The following PATJ variants were observed in gnomAD, a reference collection of about 807,000 sequenced individuals.
The protein encoded by PATJ is PATJ crumbs cell polarity complex component, also known as inaD-like protein.
A neutral mutation model predicts 224.9 loss-of-function variants in PATJ; 190 were observed. The ratio of observed to expected loss-of-function variants is 0.84; its 90% CI spans 0.75 to 0.95. The LOEUF is 0.95. Ranked by LOEUF, PATJ falls within the 40% of genes least tolerant of loss-of-function variation. The pLI, the probability that PATJ is intolerant of heterozygous loss-of-function variation, is 0.00. For synonymous variants in PATJ, 769 were observed against 820.3 expected (o/e 0.94, Z 1.07); for missense variants, 2,121 against 2,270.3 (o/e 0.93, Z 1.34).
intron 28 of PATJ, among the ~76,000 whole-genome samples, chr1:62,011,413 CGGA>C (rs1646441408): frequency 2.0e-5 from 3 of 151,914 alleles, no homozygotes; most frequent in Non-Finnish European, 2.9e-5. Context: ...CGGAAGGCCT[CGGA>C]GGAGAGAAAA....
In PATJ at chr1:61,908,629, AGGTTCCCTTTTTTCCCCTCC is replaced by A. The variant is rs1571232754; in HGVS notation, c.3492+148_3492+167del. On this transcript the variant is annotated intron_variant, in intron 25 of 43. Transcript: ENST00000642238. ...TGAGCTTCATAAAAATTTAGTCATA[AGGTTCCCTTTTTTCCCCTCC>A]AGTTTTGATCTTCTGGTCAAATTGG... 7 of 602,646 alleles carry A rather than the reference AGGTTCCCTTTTTTCCCCTCC, an allele frequency of 1.2e-5. No homozygotes were observed. The East Asian group carries it at 2.0e-4, about 17-fold the overall frequency. 37.3% of individuals were successfully genotyped at this position (602,646 alleles called of 1,614,324 possible).
rs1352431668 is a variant in PATJ at position 61,799,588 on chromosome 1, G to A, written c.1403-2035G>A. On this transcript the variant is annotated intron_variant, in intron 11 of 43. Coordinates refer to ENST00000642238, the MANE Select transcript of PATJ (RefSeq NM_001350145.3). ...ATTTTTATAGATTCAGGGGATAAAT[G>A]TGCATGTTTGTTACATGGATATATA... Among the ~76,000 whole-genome samples, 4 of 152,088 alleles carry A rather than the reference G, an allele frequency of 2.6e-5. No homozygotes were observed. In the South Asian group the frequency reaches 6.2e-4, roughly 24 times the overall value.
chr1:61,975,177 G>A (rs961686093), intron 27 of PATJ, among the ~76,000 whole-genome samples: 1 of 151,890 alleles, frequency 6.6e-6, no homozygotes, highest in African/African-American at 2.4e-5. Flanking sequence ...GATCTCCTGG[G>A]CTCAAGCATT....
chr1:62,005,477 A>C (rs1302487678), intron 28 of PATJ, among the ~76,000 whole-genome samples: 1 of 151,840 alleles, frequency 6.6e-6, no homozygotes, highest in Non-Finnish European at 1.5e-5. Context: ...AAAGAAAAAA[A>C]GTTGGGCCAG....
At chr1:61,870,770 A>G (rs966627467) in intron 20 of PATJ, among the ~76,000 whole-genome samples, 1 of 152,128 alleles carries the variant, frequency 6.6e-6, no homozygotes, top group African/African-American at 2.4e-5. Flanking sequence ...ATCATATGCT[A>G]ATTCTATATT....
At chr1:62,022,933 G>A (rs1196258529) in intron 29 of PATJ, among the ~76,000 whole-genome samples, 1 of 152,170 alleles carries the variant, frequency 6.6e-6, no homozygotes, top group African/African-American at 2.4e-5. Flanking sequence ...TTGAATTAAT[G>A]TGAATGCCAG....
chr1:61,801,042 A>T (rs1652382189), intron 11 of PATJ, among the ~76,000 whole-genome samples: 6 of 152,164 alleles, frequency 3.9e-5, no homozygotes, highest in Admixed American at 3.9e-4. Flanking sequence ...ATAAACATAC[A>T]TGTGCATGTG....
chr1:61,940,470 A>C (rs950992701), intron 27 of PATJ, among the ~76,000 whole-genome samples: 1 of 152,186 alleles, frequency 6.6e-6, no homozygotes, highest in Admixed American at 6.6e-5. Flanking sequence ...TAATCCCAGC[A>C]CTTTGGGAGG....
intron 27 of PATJ, among the ~76,000 whole-genome samples, chr1:61,982,916 A>G (rs1477494910): frequency 2.0e-5 from 3 of 151,954 alleles, no homozygotes; most frequent in African/African-American, 7.3e-5. Flanking sequence ...TACTGGCAAA[A>G]ATCACAATTA....
At chr1:62,108,587 G>A (rs1663407692) in intron 34 of PATJ, 67 bp downstream of exon 34, 1 of 911,326 alleles carries the variant, frequency 1.1e-6, no homozygotes, top group Admixed American at 2.3e-5. Context: ...GATCCATAAA[G>A]TTGTCTTTCT....
chr1:61,875,471 A>C, intron 21 of PATJ, 105 bp downstream of exon 21: 3 of 894,104 alleles, frequency 3.4e-6, no homozygotes, highest in Non-Finnish European at 5.1e-6. Context: ...ATTCATTATG[A>C]TGCTTTGAAT....
intron 1 of PATJ, among the ~76,000 whole-genome samples, chr1:61,750,825 C>G (rs1285695171): frequency 6.6e-6 from 1 of 151,996 alleles, no homozygotes; most frequent in Non-Finnish European, 1.5e-5. Context: ...GGTTGTAAAT[C>G]TTCCCACCAT....
intron 37 of PATJ, chr1:62,120,960 C>A: frequency 4.5e-6 from 2 of 449,336 alleles, no homozygotes; most frequent in Middle Eastern, 5.8e-4. Flanking sequence ...TATACAAAAG[C>A]ACACATAATG....
intron 34 of PATJ, among the ~76,000 whole-genome samples, chr1:62,110,488 A>G (rs769824258): frequency 6.6e-6 from 1 of 152,156 alleles, no homozygotes; most frequent in Non-Finnish European, 1.5e-5. Context: ...TGGTTTTAAT[A>G]CTATCCTCAT....
At chr1:62,158,549 G>A (rs769029732) in intron 43 of PATJ, among the ~76,000 whole-genome samples, 4 of 148,278 alleles carry the variant, frequency 2.7e-5, no homozygotes, top group Non-Finnish European at 4.5e-5. Flanking sequence ...AAAAAACTCC[G>A]TCTCTACTAA....
chr1:62,093,404 A>G (rs2148803290), intron 33 of PATJ, among the ~76,000 whole-genome samples: 1 of 152,270 alleles, frequency 6.6e-6, no homozygotes, highest in East Asian at 1.9e-4. Flanking sequence ...AAGCTATTTT[A>G]TATTTGATTA....
intron 43 of PATJ, among the ~76,000 whole-genome samples, chr1:62,154,712 G>C (rs1463988770): frequency 6.6e-6 from 1 of 151,474 alleles, no homozygotes; most frequent in Non-Finnish European, 1.5e-5. Context: ...AAATAAGAAG[G>C]AATCTGTCTC....
At chr1:61,921,030 A>G (rs1674251873) in intron 26 of PATJ, among the ~76,000 whole-genome samples, 1 of 152,108 alleles carries the variant, frequency 6.6e-6, no homozygotes, top group Admixed American at 6.6e-5. Context: ...CTTAAGGTGC[A>G]CCTTTTTCCT....
intron 28 of PATJ, among the ~76,000 whole-genome samples, chr1:62,007,234 C>G (rs1296792607): frequency 6.6e-6 from 1 of 152,178 alleles, no homozygotes; most frequent in African/African-American, 2.4e-5. Flanking sequence ...AAAATGAACT[C>G]ACCCCTAAGG....
Sources: allele counts gnomAD v4.1 joint callset (sites outside exome capture counted in the v4.1 genomes callset), GRCh38; gene constraint gnomAD v4.1.1; transcripts MANE v1.5; gene names NCBI Gene and HGNC (gene_info 2026-07-23, HGNC 2026-07-21).